EHD2: variants seen among roughly 807,000 people sequenced by gnomAD.
EHD2 encodes EH domain-containing protein 2.
Under a neutral mutation model 41.0 loss-of-function variants are expected in EHD2, and 27 were observed. That is an observed-to-expected ratio of 0.66 (90% CI 0.49 to 0.91). The LOEUF (loss-of-function observed/expected upper bound fraction) is 0.91, where lower values mean the gene tolerates loss of function less well. EHD2 is among the 40% of genes least tolerant of loss of function. EHD2 has a pLI of 0.00. For missense variants in EHD2, 673 were observed against 773.9 expected (o/e 0.87, Z 1.55); for synonymous variants, 342 against 341.0 (o/e 1.00, Z -0.03).
At chr19:47,725,098 T>C (rs1008687231) in intron 3 of EHD2, among the ~76,000 whole-genome samples, 1 of 149,358 alleles carries the variant, frequency 6.7e-6, no homozygotes, top group Admixed American at 6.7e-5. Flanking sequence ...CAACAGGTCC[T>C]GGGGAGGAGC....
rs545919028 is a variant in EHD2 at position 47,716,957 on chromosome 19, C to T, written c.345C>T (p.Val115=). 3.2e-5 allele frequency: 51 copies of T among 1,606,336 alleles called. No individual in the cohort carries two copies. In the South Asian group the frequency reaches 4.0e-4, roughly 12 times the overall value. Residue 115 remains valine, a synonymous_variant, in exon 2 of 6, where the codon GTC becomes GTT. Coordinates refer to ENST00000263277, the MANE Select transcript of EHD2 (RefSeq NM_014601.4). ...GCACCGTGCCCGGCAACGCCCTCGTCGTGGACCCGGACAAGCCCTTCCGCA... is the reference window on the plus strand; with the variant it reads ...GCACCGTGCCCGGCAACGCCCTCGTTGTGGACCCGGACAAGCCCTTCCGCA... ...TEGTVPGNAL[V]VDPDKPFRKL...
chr19:47,735,670 C>T (rs949272840), intron 4 of EHD2, among the ~76,000 whole-genome samples: 5 of 149,420 alleles, frequency 3.3e-5, no homozygotes, highest in Non-Finnish European at 7.4e-5. Flanking sequence ...TGGGAGGCCA[C>T]GGCGGGTGGA....
At chr19:47,735,368 G>A (rs1289850811) in intron 4 of EHD2, among the ~76,000 whole-genome samples, 4 of 152,156 alleles carry the variant, frequency 2.6e-5, no homozygotes, top group Non-Finnish European at 5.9e-5. Flanking sequence ...AGCCCAGGGT[G>A]AGCCCCAGCA....
At position 47,741,456 on chromosome 19, in the gene EHD2, G is replaced by C. The variant is rs758737448; in HGVS notation, c.*24G>C. The C allele has an allele frequency of 7.4e-5, 115 of 1,548,100 alleles. No individual in the cohort carries two copies. The highest frequency in any genetic ancestry group is 9.5e-5 in the Non-Finnish European group (110 of 1,154,072). Reference sequence around the variant, plus strand: ...GAGCCGGCCCCCCTCCCATGGCCCTGCTGTGGCTCCCCAGCTCCAGTCGGC... The same window carrying C: ...GAGCCGGCCCCCCTCCCATGGCCCTCCTGTGGCTCCCCAGCTCCAGTCGGC... On this transcript the variant is annotated 3_prime_UTR_variant, in exon 6 of 6. Coordinates refer to ENST00000263277, the MANE Select transcript of EHD2 (RefSeq NM_014601.4). This position sits in a 1 kb window ranked among gnomAD's most constrained non-coding sequence, Gnocchi z 4.5.
Position 47,741,292 on chromosome 19 carries a change from G to A in EHD2, c.1492G>A (p.Asp498Asn), listed in dbSNP as rs747209337. Residue 498 changes from aspartate to asparagine, a missense_variant, in exon 6 of 6, where the codon GAC becomes AAC. Transcript: ENST00000263277. The surrounding 1 kb of genome is among the most constrained non-coding windows in gnomAD (Gnocchi z 4.5). Reference protein sequence around the residue: ...RIWKLSDVDRDGMLDDEEFAL... With the variant: ...RIWKLSDVDRNGMLDDEEFAL... ...CTGGAAGCTCAGCGATGTGGACCGCGACGGCATGCTGGATGATGAGGAGTT... is the reference window on the plus strand; with the variant it reads ...CTGGAAGCTCAGCGATGTGGACCGCAACGGCATGCTGGATGATGAGGAGTT... 1.9e-6 allele frequency: 3 copies of A among 1,613,998 alleles called. No individual in the cohort carries two copies. Among genetic ancestry groups the A allele is most frequent in the Non-Finnish European group, 8.5e-7 (1 of 1,179,960 alleles).
At chr19:47,733,668 A>C (rs983904073) in intron 4 of EHD2, among the ~76,000 whole-genome samples, 1 of 148,914 alleles carries the variant, frequency 6.7e-6, no homozygotes, top group Non-Finnish European at 1.5e-5. Context: ...CTCTGTCTCA[A>C]AAAATAAATA....
At chr19:47,722,303 G>A (rs1414257327) in intron 3 of EHD2, among the ~76,000 whole-genome samples, 1 of 151,938 alleles carries the variant, frequency 6.6e-6, no homozygotes, top group Non-Finnish European at 1.5e-5. Context: ...CACACTTTCC[G>A]AATCTGGGCC....
chr19:47,718,926 G>A (rs1225545982), intron 3 of EHD2, among the ~76,000 whole-genome samples: 1 of 139,870 alleles, frequency 7.1e-6, no homozygotes, highest in African/African-American at 2.7e-5. Context: ...GTCTGAGGGA[G>A]AGGGGCTGGG....
At chr19:47,731,831 A>G (rs1229865052) in intron 4 of EHD2, among the ~76,000 whole-genome samples, 1 of 127,426 alleles carries the variant, frequency 7.8e-6, no homozygotes, top group Non-Finnish European at 1.5e-5. Flanking sequence ...TCTGTCGCCT[A>G]GGCTGGAGTG....
intron 1 of EHD2, among the ~76,000 whole-genome samples, chr19:47,713,743 C>T (rs1320805995): frequency 6.6e-6 from 1 of 151,788 alleles, no homozygotes; most frequent in East Asian, 1.9e-4. Flanking sequence ...CCCACTCTTC[C>T]TCCAGTCTTT....
rs1291983582 is a variant in EHD2 at position 47,719,970 on chromosome 19, G to C, written c.502+1364G>C. On this transcript the variant is annotated intron_variant, in intron 3 of 5. Coordinates refer to ENST00000263277, the MANE Select transcript of EHD2 (RefSeq NM_014601.4). This position sits in a 1 kb window ranked among gnomAD's most constrained non-coding sequence, Gnocchi z 4.1. Reference sequence around the variant, plus strand: ...TATGTGTGTGTGTGTGTGTGTGTGTGACTTTGTGTATATCTTGGGAAAGTG... The same window carrying C: ...TATGTGTGTGTGTGTGTGTGTGTGTCACTTTGTGTATATCTTGGGAAAGTG... Among the ~76,000 whole-genome samples the C allele has an allele frequency of 8.9e-6, 1 of 112,208 alleles. No individual in the cohort carries two copies. Among genetic ancestry groups the C allele is most frequent in the Non-Finnish European group, 1.8e-5 (1 of 55,840 alleles). The allele number at this position is 112,208 out of a possible 152,430, so 73.6% of individuals were successfully genotyped here.
chr19:47,724,182 G>A (rs1436566898), intron 3 of EHD2, among the ~76,000 whole-genome samples: 2 of 151,392 alleles, frequency 1.3e-5, no homozygotes, highest in African/African-American at 2.4e-5. Context: ...AGGCTCAAGC[G>A]ATTCTCGTGC....
rs1165712920 is a variant in EHD2, at chr19:47,719,534, C to T, written c.502+928C>T. On this transcript the variant is annotated intron_variant, in intron 3 of 5. Transcript: ENST00000263277. The surrounding 1 kb of genome is among the most constrained non-coding windows in gnomAD (Gnocchi z 4.1). ...GTCCCCCAGCCCCACAGATCTGTGT[C>T]CCCCACCCCCCATGGCCTTGGAGGC... 6.6e-6 allele frequency among the ~76,000 whole-genome samples: 1 copy of T among 152,104 alleles called. No homozygotes were observed. The highest frequency in any genetic ancestry group is 1.5e-5 in the Non-Finnish European group (1 of 67,986).
In EHD2 at chr19:47,741,642, C is replaced by T; in HGVS notation, c.*210C>T. The T allele has an allele frequency of 3.2e-6, 2 of 631,556 alleles. No individual in the cohort carries two copies. Among genetic ancestry groups the T allele is most frequent in the Non-Finnish European group, 5.6e-6 (2 of 360,354 alleles). The allele number at this position is 631,556 out of a possible 1,614,324, so 39.1% of individuals were successfully genotyped here. On this transcript the variant is annotated 3_prime_UTR_variant, in exon 6 of 6. Coordinates refer to ENST00000263277, the MANE Select transcript of EHD2 (RefSeq NM_014601.4). The surrounding 1 kb of genome is among the most constrained non-coding windows in gnomAD (Gnocchi z 4.5). ...AGGCTTCTCTGTCCGCCCTTCACAC[C>T]TCCAGCCTCACGTTCACTTAGGCAC...
At position 47,740,876 on chromosome 19, in the gene EHD2, C is replaced by T. The variant is rs200091589; in HGVS notation, c.1081-5C>T. ...AATTCTGGGTGCCCCTGTCCCCCAC[C>T]ACAGGAGCTGCTGATGGCGCACGAC... On this transcript the variant is annotated splice_polypyrimidine_tract_variant and splice_region_variant and intron_variant, in intron 5 of 5. Transcript: ENST00000263277. 6.2e-7 allele frequency: 1 copy of T among 1,612,390 alleles called. No individual in the cohort carries two copies. Among genetic ancestry groups the T allele is most frequent in the African/African-American group, 1.3e-5 (1 of 75,010 alleles).
At chr19:47,725,559 G>T (rs547103704) in intron 3 of EHD2, among the ~76,000 whole-genome samples, 1 of 152,206 alleles carries the variant, frequency 6.6e-6, no homozygotes, top group Admixed American at 6.5e-5. Context: ...AAAGGGGGAT[G>T]ATTGCCCCCT....
In EHD2 at chr19:47,741,702, C is replaced by A; in HGVS notation, c.*270C>A. On this transcript the variant is annotated 3_prime_UTR_variant, in exon 6 of 6. Transcript: ENST00000263277. This position sits in a 1 kb window ranked among gnomAD's most constrained non-coding sequence, Gnocchi z 4.5. The stretch of plus-strand genomic sequence containing the variant: ...ACACTGGCACACGCAGGCATCCATC[C>A]ATCCGTCATTCATTCAAATATTTAT... 1.6e-6 allele frequency: 1 copy of A among 630,908 alleles called. No homozygotes were observed. Among genetic ancestry groups the A allele is most frequent in the Non-Finnish European group, 2.9e-6 (1 of 350,562 alleles). The allele number at this position is 630,908 out of a possible 1,614,324, so 39.1% of individuals were successfully genotyped here.
intron 1 of EHD2, among the ~76,000 whole-genome samples, chr19:47,715,626 G>T (rs999544195): frequency 2.0e-5 from 3 of 152,128 alleles, no homozygotes; most frequent in African/African-American, 4.8e-5. Flanking sequence ...AAGGGAGGAA[G>T]AAATGAATGA....
In EHD2 at chr19:47,741,812, G is replaced by A. The variant is rs1966993360; in HGVS notation, c.*380G>A. The A allele has an allele frequency of 2.1e-6, 1 of 484,778 alleles. No homozygotes were observed. The highest frequency in any genetic ancestry group is 2.3e-5 in the Admixed American group (1 of 43,158). 30.0% of individuals were successfully genotyped at this position (484,778 alleles called of 1,614,324 possible). On this transcript the variant is annotated 3_prime_UTR_variant, in exon 6 of 6. Transcript: ENST00000263277. The surrounding 1 kb of genome is among the most constrained non-coding windows in gnomAD (Gnocchi z 4.5). The stretch of plus-strand genomic sequence containing the variant: ...AATAGACAAATACATCTGCCCTCAT[G>A]GAAGGTGACGTTCCCAGGAGAGGGC...
Sources: allele counts gnomAD v4.1 joint callset (sites outside exome capture counted in the v4.1 genomes callset), GRCh38; gene constraint gnomAD v4.1.1; non-coding constraint Gnocchi (gnomAD v3.1); transcripts MANE v1.5; gene names NCBI Gene and HGNC (gene_info 2026-07-23, HGNC 2026-07-21).